The following METTL25 variants were observed in gnomAD, a reference collection of about 807,000 sequenced individuals.
METTL25 encodes the protein methyltransferase like 25, also known as probable methyltransferase-like protein 25.
A neutral mutation model predicts 71.6 loss-of-function variants in METTL25; 64 were observed. The ratio of observed to expected loss-of-function variants is 0.89; its 90% confidence interval spans 0.73 to 1.10. METTL25 has a LOEUF of 1.10. Among genes scored for constraint, METTL25 ranks in the 50% least tolerant of loss-of-function variants. The pLI is 0.00. For missense variants in METTL25, 807 were observed against 707.0 expected, an observed-to-expected ratio of 1.14 and a Z score of -1.60; for synonymous variants, 287 against 250.3, an observed-to-expected ratio of 1.15 and a Z score of -1.38.
intron 5 of METTL25, among the ~76,000 whole-genome samples, chr12:82,424,872 A>G (rs958833302): frequency 6.6e-6 from 1 of 152,012 alleles, no homozygotes; most frequent in Non-Finnish European, 1.5e-5. Flanking sequence ...ATCACCAGAA[A>G]CTGGTAATGG....
intron 1 of METTL25, among the ~76,000 whole-genome samples, chr12:82,383,050 G>A (rs1884596634): frequency 6.6e-6 from 1 of 152,052 alleles, no homozygotes; most frequent in Non-Finnish European, 1.5e-5. Context: ...TGGAGAGGGA[G>A]GTGTAGAGGG....
chr12:82,444,683 T>G (rs530621860), intron 8 of METTL25, among the ~76,000 whole-genome samples: 18 of 152,262 alleles, frequency 1.2e-4, no homozygotes, highest in Non-Finnish European at 2.5e-4. Flanking sequence ...TTTTTTAGCT[T>G]TTTTATAGTA....
intron 1 of METTL25, among the ~76,000 whole-genome samples, chr12:82,366,156 G>A (rs937238120): frequency 4.6e-5 from 7 of 152,222 alleles, no homozygotes; most frequent in Admixed American, 3.9e-4. Context: ...AAAATTAGGA[G>A]ACTATCCTAA....
intron 7 of METTL25, 181 bp from the exon 8 acceptor site, chr12:82,438,537 T>A: frequency 9.9e-6 from 3 of 303,002 alleles, no homozygotes; most frequent in Non-Finnish European, 1.8e-5. Flanking sequence ...TCAGAATTAC[T>A]TTCACAATGA....
chr12:82,382,736 C>T (rs750518010), intron 1 of METTL25, among the ~76,000 whole-genome samples: 4 of 151,446 alleles, frequency 2.6e-5, no homozygotes, highest in African/African-American at 9.7e-5. Flanking sequence ...TTTTTTTTGA[C>T]TCAGGGTCTT....
chr12:82,408,314 A>G (rs908764489), intron 5 of METTL25, among the ~76,000 whole-genome samples: 1 of 152,132 alleles, frequency 6.6e-6, no homozygotes, highest in African/African-American at 2.4e-5. Context: ...TAAACTCAAA[A>G]GGGCCTAGGA....
intron 9 of METTL25, among the ~76,000 whole-genome samples, chr12:82,464,649 A>C (rs553762857): frequency 6.6e-6 from 1 of 151,946 alleles, no homozygotes; most frequent in Admixed American, 6.6e-5. Flanking sequence ...TTCTGTGTAG[A>C]ATGTCATTGG....
At chr12:82,417,740 A>G (rs1888112175) in intron 5 of METTL25, among the ~76,000 whole-genome samples, 1 of 152,156 alleles carries the variant, frequency 6.6e-6, no homozygotes, top group South Asian at 2.1e-4. Flanking sequence ...GCAGATATAT[A>G]TCTAGTACAT....
At chr12:82,441,936 C>A (rs1054910777) in intron 8 of METTL25, among the ~76,000 whole-genome samples, 2 of 151,766 alleles carry the variant, frequency 1.3e-5, no homozygotes, top group Non-Finnish European at 2.9e-5. Context: ...CCTTATAACC[C>A]GTTTGTGGAG....
chr12:82,390,195 T>C (rs976057063), intron 3 of METTL25, among the ~76,000 whole-genome samples: 1 of 152,088 alleles, frequency 6.6e-6, no homozygotes, highest in Non-Finnish European at 1.5e-5. Flanking sequence ...GAAATTAAGC[T>C]TAATTCTCTT....
chr12:82,375,656 G>C (rs1265291615), intron 1 of METTL25, among the ~76,000 whole-genome samples: 2 of 152,186 alleles, frequency 1.3e-5, no homozygotes, highest in East Asian at 3.9e-4. Context: ...CTGGGCAGTA[G>C]GCTGAATTAG....
At chr12:82,410,121 C>G (rs759721766) in intron 5 of METTL25, among the ~76,000 whole-genome samples, 2 of 151,992 alleles carry the variant, frequency 1.3e-5, no homozygotes, top group Admixed American at 1.3e-4. Flanking sequence ...TTGAGCACAT[C>G]GTTTGAACAT....
At chr12:82,387,392 AAAC>A (rs1288573568) in intron 2 of METTL25, among the ~76,000 whole-genome samples, 2 of 152,054 alleles carry the variant, frequency 1.3e-5, no homozygotes, top group African/African-American at 4.8e-5. Context: ...CAAATTAAAA[AAAC>A]AAATATGATA....
chr12:82,438,987 TCTTGTCCTGAAAG>T (rs1890132795), intron 8 of METTL25, 196 bp downstream of exon 8: 8 of 368,410 alleles, frequency 2.2e-5, no homozygotes, highest in Non-Finnish European at 3.8e-5. Flanking sequence ...AATGATTCCT[TCTTGTCCTGAAAG>T]CTTGTTGTAA....
chr12:82,398,734 GA>G, intron 3 of METTL25, 60 bp from the exon 4 acceptor site: 1 of 1,158,746 alleles, frequency 8.6e-7, no homozygotes, highest in Non-Finnish European at 1.1e-6. Context: ...AAAAAATCTA[GA>G]ATGCTTTCTA....
chr12:82,412,499 G>T (rs923664532), intron 5 of METTL25, among the ~76,000 whole-genome samples: 28 of 152,040 alleles, frequency 1.8e-4, no homozygotes, highest in African/African-American at 6.5e-4. Flanking sequence ...TGCTGGGTTG[G>T]CAAGAGATGC....
rs1019776932 is a variant in METTL25 at position 82,399,212 on chromosome 12, C to A, written c.949C>A (p.Leu317Ile). Residue 317 changes from leucine to isoleucine, a missense_variant, in exon 4 of 12, where the codon CTT becomes ATT. Transcript: ENST00000248306. ...CFENSFSLIN[L>I]LPINAVEPTS... ...TGAAAATTCCTTTTCTCTTATAAACCTTTTGCCTATTAATGCTGTAGAGCC... is the reference window on the plus strand; with the variant it reads ...TGAAAATTCCTTTTCTCTTATAAACATTTTGCCTATTAATGCTGTAGAGCC... 17 of 1,613,164 alleles carry A rather than the reference C, an allele frequency of 1.1e-5. No individual in the cohort carries two copies. In the Admixed American group the frequency reaches 2.2e-4, roughly 21 times the overall value.
At chr12:82,362,012 A>G (rs1385052221) in intron 1 of METTL25, among the ~76,000 whole-genome samples, 2 of 152,230 alleles carry the variant, frequency 1.3e-5, no homozygotes, top group South Asian at 2.1e-4. Context: ...ACAAGTAAAC[A>G]TAATTCCCAG....
At chr12:82,387,061 T>C (rs1885107877) in intron 2 of METTL25, 94 bp downstream of exon 2, 1 of 1,032,682 alleles carries the variant, frequency 9.7e-7, no homozygotes, top group South Asian at 1.9e-5. Flanking sequence ...TATTATTAAT[T>C]TATTGTTAGA....
Sources: allele counts gnomAD v4.1 joint callset (sites outside exome capture counted in the v4.1 genomes callset), GRCh38; gene constraint gnomAD v4.1.1; transcripts MANE v1.5; gene names NCBI Gene and HGNC (gene_info 2026-07-23, HGNC 2026-07-21).